Variants in OTUD7A observed in about 807,000 individuals in gnomAD.
OTUD7A encodes OTU domain-containing protein 7A.
Under a neutral mutation model 65.7 loss-of-function variants are expected in OTUD7A, and 12 were observed. The observed-to-expected ratio is 0.18, with a 90% CI of 0.12 to 0.30. The LOEUF (loss-of-function observed/expected upper bound fraction) is 0.30. Ranked by LOEUF, OTUD7A falls within the 10% of genes least tolerant of loss-of-function variation. The pLI, the probability that OTUD7A is intolerant of heterozygous loss-of-function variation, is 1.00. For missense variants in OTUD7A, 1,148 were observed against 1,304.8 expected, an observed-to-expected ratio of 0.88 and a Z score of 1.85; for synonymous variants, 641 against 586.3, an observed-to-expected ratio of 1.09 and a Z score of -1.35.
At position 31,483,819 on chromosome 15, in the gene OTUD7A, C is replaced by G; in HGVS notation, c.2277G>C (p.Ala759=). The change falls in exon 13 of 13, where the codon GCG becomes GCC. Residue 759 remains alanine, a synonymous_variant. Transcript: ENST00000307050. ...GGCCAGGCACTGGTCCGCTGGCGCT[C>G]GCACGCCGCGCGCCTCCCCCCGGGG... ...TASPGGGARR[A]SASGPVPGRS... is the part of the protein sequence containing the mutation. 1.0e-6 allele frequency: 1 copy of G among 992,744 alleles called. No homozygotes were observed. Among genetic ancestry groups the G allele is most frequent in the Non-Finnish European group, 1.2e-6 (1 of 836,028 alleles). 61.5% of individuals were successfully genotyped at this position (992,744 alleles called of 1,614,324 possible).
chr15:31,592,174 G>A (rs945757566), intron 3 of OTUD7A, among the ~76,000 whole-genome samples: 15 of 152,146 alleles, frequency 9.9e-5, no homozygotes, highest in African/African-American at 3.6e-4. Context: ...GTAGACTTCA[G>A]AAACACTGTA....
intron 3 of OTUD7A, among the ~76,000 whole-genome samples, chr15:31,599,144 G>A (rs1181729339): frequency 6.6e-6 from 1 of 152,198 alleles, no homozygotes; most frequent in Non-Finnish European, 1.5e-5. Context: ...CCAGCACAGC[G>A]TTTGAGTTCT....
intron 1 of OTUD7A, among the ~76,000 whole-genome samples, chr15:31,693,812 G>C (rs533874778): frequency 3.7e-4 from 56 of 152,160 alleles, no homozygotes; most frequent in African/African-American, 1.3e-3. Flanking sequence ...CCAGGTCTGG[G>C]ATCAGTACTA....
intron 3 of OTUD7A, among the ~76,000 whole-genome samples, chr15:31,634,814 T>A (rs758340580): frequency 6.6e-6 from 1 of 152,204 alleles, no homozygotes. Context: ...GGGCCCTTTT[T>A]TCCTGAAGGT....
chr15:31,668,244 CA>C (rs1892373298), intron 1 of OTUD7A, among the ~76,000 whole-genome samples: 1 of 152,144 alleles, frequency 6.6e-6, no homozygotes, highest in South Asian at 2.1e-4. Context: ...TATATTTTTC[CA>C]AGCTTTTAGA....
At position 31,483,571 on chromosome 15, in the gene OTUD7A, G is replaced by T; in HGVS notation, c.2525C>A (p.Pro842Gln). The T allele has an allele frequency of 7.7e-7, 1 of 1,290,946 alleles. No individual in the cohort carries two copies. The highest frequency in any genetic ancestry group is 9.8e-7 in the Non-Finnish European group (1 of 1,019,184). 80.0% of individuals were successfully genotyped at this position (1,290,946 alleles called of 1,614,324 possible). A position where few individuals can be genotyped will look rare whatever the true frequency, so the allele number is the denominator to read the frequency against. The change falls in exon 13 of 13, where the codon CCG becomes CAG. Residue 842 changes from proline to glutamine, a missense_variant. Pro to Gln is a moderately conservative substitution (Grantham distance 76). This residue lies in a region of OTUD7A where 842 missense variants were observed against 769.5 expected (regional missense o/e 1.09). Transcript: ENST00000307050. ...SLARAVPGALPGAAGTAGAAE... is the reference protein window; with the variant it reads ...SLARAVPGALQGAAGTAGAAE... ...CGCCCCCGCCGTCCCCGCCGCGCCCGGTAGGGCCCCGGGCACCGCGCGCGC... is the reference window on the plus strand; with the variant it reads ...CGCCCCCGCCGTCCCCGCCGCGCCCTGTAGGGCCCCGGGCACCGCGCGCGC...
chr15:31,853,399 C>T (rs975540743), intron 1 of OTUD7A, among the ~76,000 whole-genome samples: 1 of 152,176 alleles, frequency 6.6e-6, no homozygotes, highest in Non-Finnish European at 1.5e-5. Context: ...GAAATATATT[C>T]CACCCCCAAC....
At chr15:31,508,022 A>AT (rs1372266100) in intron 8 of OTUD7A, among the ~76,000 whole-genome samples, 2 of 152,176 alleles carry the variant, frequency 1.3e-5, no homozygotes, top group Non-Finnish European at 2.9e-5. Context: ...GCTGTCATTG[A>AT]TTTTTTAATA....
intron 8 of OTUD7A, among the ~76,000 whole-genome samples, chr15:31,523,869 TG>T (rs1247430191): frequency 1.3e-5 from 2 of 152,256 alleles, no homozygotes; most frequent in African/African-American, 4.8e-5. Flanking sequence ...AGTGAATTCT[TG>T]GAGCAGGTGA....
chr15:31,775,390 G>C (rs1895349528), intron 1 of OTUD7A, among the ~76,000 whole-genome samples: 1 of 152,122 alleles, frequency 6.6e-6, no homozygotes, highest in Admixed American at 6.5e-5. Flanking sequence ...CTGCCTTTGT[G>C]GAGTTTATAC....
intron 1 of OTUD7A, among the ~76,000 whole-genome samples, chr15:31,800,548 T>C (rs1896093555): frequency 1.3e-5 from 2 of 152,106 alleles, no homozygotes; most frequent in African/African-American, 4.8e-5. Context: ...ACCTACCCAA[T>C]GGCCTCTGTG....
intron 1 of OTUD7A, among the ~76,000 whole-genome samples, chr15:31,756,584 G>A (rs186326179): frequency 6.7e-6 from 1 of 148,336 alleles, no homozygotes; most frequent in Non-Finnish European, 1.5e-5. Flanking sequence ...CCATTCACTG[G>A]GTCCTTTCTG....
intron 5 of OTUD7A, among the ~76,000 whole-genome samples, chr15:31,555,649 G>A (rs973423253): frequency 1.3e-5 from 2 of 152,116 alleles, no homozygotes; most frequent in African/African-American, 4.8e-5. Context: ...GCCGGCTGAG[G>A]GTCTTCACGT....
chr15:31,755,180 G>A (rs553971866), intron 1 of OTUD7A, among the ~76,000 whole-genome samples: 41 of 152,058 alleles, frequency 2.7e-4, no homozygotes, highest in African/African-American at 9.6e-4. Context: ...GGGAAGATAG[G>A]AGAGAGGGAA....
At chr15:31,866,087 T>C (rs1897868323) in intron 1 of OTUD7A, among the ~76,000 whole-genome samples, 1 of 152,246 alleles carries the variant, frequency 6.6e-6, no homozygotes, top group African/African-American at 2.4e-5. Flanking sequence ...GAGAGATGTA[T>C]TTAAAACTTG....
At chr15:31,749,226 T>A (rs958911064) in intron 1 of OTUD7A, among the ~76,000 whole-genome samples, 2 of 152,114 alleles carry the variant, frequency 1.3e-5, no homozygotes, top group African/African-American at 4.8e-5. Context: ...ACATGGCACA[T>A]GTATACATAT....
chr15:31,500,237 C>G (rs80233534), intron 10 of OTUD7A, among the ~76,000 whole-genome samples: 4 of 152,228 alleles, frequency 2.6e-5, no homozygotes, highest in African/African-American at 7.2e-5. Flanking sequence ...TTCCGCATTC[C>G]GGATTGAAAG....
chr15:31,627,094 T>C (rs1890981905), intron 3 of OTUD7A, among the ~76,000 whole-genome samples: 1 of 151,970 alleles, frequency 6.6e-6, no homozygotes, highest in Non-Finnish European at 1.5e-5. Context: ...ACTTCTTTTA[T>C]TATTATTATT....
intron 5 of OTUD7A, among the ~76,000 whole-genome samples, chr15:31,545,810 G>A (rs533039005): frequency 6.6e-6 from 1 of 152,262 alleles, no homozygotes; most frequent in Non-Finnish European, 1.5e-5. Flanking sequence ...AAAACTATTT[G>A]GACAACTGTT....
Sources: allele counts gnomAD v4.1 joint callset (sites outside exome capture counted in the v4.1 genomes callset), GRCh38; gene constraint gnomAD v4.1.1; regional missense constraint gnomAD v4.1.1; transcripts MANE v1.5; gene names NCBI Gene and HGNC (gene_info 2026-07-23, HGNC 2026-07-21).